The following RNF213 variants were observed in gnomAD, a reference collection of about 807,000 sequenced individuals.
The protein encoded by RNF213 is E3 ubiquitin-protein ligase RNF213.
In RNF213, 341 loss-of-function variants were observed where a neutral mutation model predicts 514.4. The observed-to-expected ratio is 0.66, with a 90% CI of 0.61 to 0.73. The LOEUF (loss-of-function observed/expected upper bound fraction) is 0.73, where lower values mean the gene tolerates loss of function less well. Ranked by LOEUF, RNF213 falls within the 30% of genes least tolerant of loss-of-function variation. The pLI, the probability that RNF213 is intolerant of heterozygous loss-of-function variation, is 0.00. For synonymous variants in RNF213, 2,655 were observed against 2,658.2 expected (o/e 1.00, Z 0.04); for missense variants, 5,767 against 6,615.6 (o/e 0.87, Z 4.45).
At position 80,386,275 on chromosome 17, in the gene RNF213, C is replaced by T; in HGVS notation, c.14565C>T (p.Tyr4855=). 6.2e-7 allele frequency: 1 copy of T among 1,611,738 alleles called. No homozygotes were observed. Among genetic ancestry groups the T allele is most frequent in the South Asian group, 1.1e-5 (1 of 91,086 alleles). The change falls in exon 62 of 68, where the codon TAC becomes TAT. Residue 4855 remains tyrosine (Y), a synonymous_variant. Transcript: ENST00000582970. ...GTGAGATCAACCTACCCAAAGACTACTGCAGCACTGACTTGGATCTGGACA... is the reference window on the plus strand; with the variant it reads ...GTGAGATCAACCTACCCAAAGACTATTGCAGCACTGACTTGGATCTGGACA... ...TNGEINLPKD[Y]CSTDLDLDTE...
chr17:80,334,359 C>T (rs1599044391), intron 22 of RNF213, 89 bp downstream of exon 22: 1 of 1,372,768 alleles, frequency 7.3e-7, no homozygotes, highest in Non-Finnish European at 9.7e-7. Flanking sequence ...TTGGCAATAC[C>T]TCCCCTTGGC....
At chr17:80,307,235 C>T (rs2045393810) in intron 13 of RNF213, 34 bp downstream of exon 13, 1 of 1,605,358 alleles carries the variant, frequency 6.2e-7, no homozygotes, top group Admixed American at 1.7e-5. Context: ...CTCTCCCTCA[C>T]ATGCGGCCCC....
At chr17:80,357,115 C>A (rs1430593748) in intron 36 of RNF213, among the ~76,000 whole-genome samples, 1 of 152,070 alleles carries the variant, frequency 6.6e-6, no homozygotes, top group Non-Finnish European at 1.5e-5. Flanking sequence ...CGGGATTTCA[C>A]CATGTTGGCC....
chr17:80,270,357 C>A (rs574901812), intron 2 of RNF213, among the ~76,000 whole-genome samples: 1 of 152,198 alleles, frequency 6.6e-6, no homozygotes, highest in Non-Finnish European at 1.5e-5. Flanking sequence ...CCAGGCTGGC[C>A]GTCTGGAGGA....
chr17:80,290,431 GCGTGTGTGC>G, intron 6 of RNF213, 130 bp from the exon 7 acceptor site: 1 of 993,584 alleles, frequency 1.0e-6, no homozygotes, highest in African/African-American at 1.6e-5. Context: ...GCGAGTGTGC[GCGTGTGTGC>G]ATGTGTGTGT....
chr17:80,313,291 C>T (rs1260647261), intron 15 of RNF213, 124 bp downstream of exon 15: 2 of 1,261,190 alleles, frequency 1.6e-6, no homozygotes, highest in Non-Finnish European at 2.3e-6. Context: ...AGCCTCAGTT[C>T]TTCATCTACA....
At chr17:80,272,838 C>T (rs149801680) in intron 2 of RNF213, among the ~76,000 whole-genome samples, 12 of 152,220 alleles carry the variant, frequency 7.9e-5, no homozygotes, top group East Asian at 7.7e-4. Flanking sequence ...ACCCCTGGGC[C>T]GCCACTGGGA....
intron 10 of RNF213, among the ~76,000 whole-genome samples, chr17:80,297,159 AGTT>A (rs146864156): frequency 0.01 from 1,549 of 150,176 alleles, 30 homozygotes; most frequent in African/African-American, 0.036. Context: ...ACGTTTAAAA[AGTT>A]GTTTTGGGGC....
rs557831967 is a variant in RNF213 at position 80,369,589 on chromosome 17, C to T, written c.12243C>T (p.Asn4081=). The T allele has an allele frequency of 1.7e-5, 28 of 1,614,098 alleles. No individual in the cohort carries two copies. The highest frequency in any genetic ancestry group is 4.5e-5 in the East Asian group (2 of 44,898). The part of the protein sequence containing the change: ...DLVSTICFKD[N]APPEKEVIES... Reference sequence around the variant, plus strand: ...TGTCCACCATTTGCTTCAAGGACAACGCTCCGCCTGAGAAGGAAGTGATTG... The same window carrying T: ...TGTCCACCATTTGCTTCAAGGACAATGCTCCGCCTGAGAAGGAAGTGATTG... The change falls in exon 45 of 68, where the codon AAC becomes AAT. Residue 4081 remains asparagine, a synonymous_variant. Transcript: ENST00000582970.
At chr17:80,266,605 G>A (rs2043619246) in intron 2 of RNF213, among the ~76,000 whole-genome samples, 1 of 152,014 alleles carries the variant, frequency 6.6e-6, no homozygotes, top group South Asian at 2.1e-4. Flanking sequence ...AGGTTCAAGT[G>A]ATGTTCCTGC....
intron 59 of RNF213, 113 bp from the exon 60 acceptor site, chr17:80,384,926 C>T: frequency 8.9e-7 from 1 of 1,124,952 alleles, no homozygotes; most frequent in South Asian, 1.3e-5. Context: ...GGAAATGACA[C>T]TGACCAGATT....
At chr17:80,300,542 C>T (rs2045138973) in intron 11 of RNF213, among the ~76,000 whole-genome samples, 1 of 151,644 alleles carries the variant, frequency 6.6e-6, no homozygotes, top group Admixed American at 6.6e-5. Flanking sequence ...CCACGCCTGG[C>T]CTCATTGTGG....
At position 80,295,751 on chromosome 17, in the gene RNF213, A is replaced by C; in HGVS notation, c.1950A>C (p.Ser650=). ...ACTGGTTGTGTCACCTCCTAACCTC[A>C]GATGCCAGCTCACCAGATGAGTTTC... ...SLDWLCHLLT[S]DASSPDEFHR... The change falls in exon 10 of 68, where the codon TCA becomes TCC. Residue 650 remains serine, a synonymous_variant. Coordinates refer to ENST00000582970, the MANE Select transcript of RNF213 (RefSeq NM_001256071.3). 1 of 1,614,218 alleles carries C rather than the reference A, an allele frequency of 6.2e-7. No individual in the cohort carries two copies. Among genetic ancestry groups the C allele is most frequent in the South Asian group, 1.1e-5 (1 of 91,088 alleles).
chr17:80,330,770 G>T (rs1380825925), intron 20 of RNF213, among the ~76,000 whole-genome samples: 1 of 152,238 alleles, frequency 6.6e-6, no homozygotes, highest in Non-Finnish European at 1.5e-5. Flanking sequence ...GAAGAAGGGG[G>T]TCCACCTGCT....
rs779382348 is a variant in RNF213 at position 80,373,078 on chromosome 17, C to A, written c.12855C>A (p.Ser4285Arg). ...TGTACCTGGTGCGGAAGCTCAGCAG[C>A]CAGCGGGGGATGGAGTTCGTGCAGG... Reference protein sequence around the residue: ...HRVYLVRKLSSQRGMEFVQGL... With the variant: ...HRVYLVRKLSRQRGMEFVQGL... Residue 4285 changes from serine (S) to arginine (R), a missense_variant, in exon 49 of 68, where the codon AGC (serine) becomes AGA (arginine). Ser to Arg is a moderately radical substitution (Grantham distance 110, BLOSUM62 -1). Around this residue, in one of 13 missense-constraint regions of RNF213, gnomAD observed 1,245 missense variants for 1,339.0 expected, o/e 0.93. Transcript: ENST00000582970. 5.0e-6 allele frequency: 8 copies of A among 1,613,944 alleles called. No individual in the cohort carries two copies. The East Asian group carries it at 1.8e-4, about 36-fold the overall frequency.
Position 80,294,889 on chromosome 17 carries a change from C to A in RNF213, c.1641C>A (p.Ile547=), listed in dbSNP as rs145553991. 10 of 1,614,114 alleles carry A rather than the reference C, an allele frequency of 6.2e-6. No individual in the cohort carries two copies. Among genetic ancestry groups the A allele is most frequent in the Non-Finnish European group, 6.8e-6 (8 of 1,180,058 alleles). The change falls in exon 9 of 68, where the codon ATC becomes ATA. Residue 547 remains isoleucine, a synonymous_variant. Transcript: ENST00000582970. The part of the protein sequence containing the change: ...TFSILQTWDT[I]NLNSFFTQFE... ...GCATCCTGCAGACCTGGGACACCAT[C>A]AACCTGAACAGCTTCTTCACCCAGT...
At position 80,385,563 on chromosome 17, in the gene RNF213, C is replaced by A. The variant is rs2080201603; in HGVS notation, c.14481C>A (p.Asn4827Lys). Residue 4827 changes from asparagine to lysine, a missense_variant, in exon 61 of 68, where the codon AAC becomes AAA. Transcript: ENST00000582970. ...ATGGGTTGAGGCAGCTGCTTCACAA[C>A]AGGATCACAGTCTTTCTGTCCACAT... ...SSDGLRQLLH[N>K]RITVFLSTWN... The A allele has an allele frequency of 1.2e-6, 2 of 1,614,078 alleles. No homozygotes were observed. The highest frequency in any genetic ancestry group is 2.7e-5 in the African/African-American group (2 of 74,940).
intron 42 of RNF213, among the ~76,000 whole-genome samples, chr17:80,366,415 T>C (rs1030527383): frequency 2.0e-5 from 3 of 152,238 alleles, no homozygotes; most frequent in African/African-American, 7.2e-5. Flanking sequence ...CACCTGTTAC[T>C]ATCTGATTTT....
In RNF213 at chr17:80,344,718, C is replaced by T. The variant is rs2078254828; in HGVS notation, c.6383C>T (p.Pro2128Leu). The change falls in exon 29 of 68, where the codon CCA (proline) becomes CTA (leucine). Residue 2128 changes from proline (P) to leucine (L), a missense_variant. This residue lies in a region of RNF213 where 1,377 missense variants were observed against 1,635.2 expected (regional missense o/e 0.84). Transcript: ENST00000582970. ...CAGTTCAGTTTTCTTGACATCTTCC[C>T]AAAAGTCACCTGCAGGCCTCCCAAA... ...VPQFSFLDIF[P>L]KVTCRPPKEV... The T allele has an allele frequency of 1.2e-6, 2 of 1,614,082 alleles. No individual in the cohort carries two copies. The highest frequency in any genetic ancestry group is 2.2e-5 in the South Asian group (2 of 91,066).
Sources: gnomAD v4.1 joint callset for allele counts (sites outside exome capture counted in the v4.1 genomes callset) on GRCh38, gnomAD v4.1.1 for gene constraint, gnomAD v4.1.1 regional missense constraint, MANE v1.5 for transcripts, NCBI Gene and HGNC (gene_info 2026-07-23, HGNC 2026-07-21) for gene names.